FAM135B: variants seen among roughly 807,000 people sequenced by gnomAD.
The protein encoded by FAM135B is family with sequence similarity 135 member B.
FAM135B carries 43 observed loss-of-function variants against 127.7 expected under a neutral mutation model. The ratio of observed to expected loss-of-function variants is 0.34; its 90% CI spans 0.26 to 0.43. FAM135B has a LOEUF of 0.43. FAM135B is among the 20% of genes least tolerant of loss of function. The pLI, the probability that FAM135B is intolerant of heterozygous loss-of-function variation, is 1.00. For synonymous variants in FAM135B, 670 were observed against 665.1 expected (o/e 1.01, Z -0.11); for missense variants, 1,558 against 1,725.6 (o/e 0.90, Z 1.72).
At chr8:138,453,056 A>G (rs560362068) in intron 1 of FAM135B, among the ~76,000 whole-genome samples, 95 of 152,266 alleles carry the variant, frequency 6.2e-4, no homozygotes, top group Middle Eastern at 3.4e-3. Context: ...ATAGAATACA[A>G]TATCAGGAAG....
At chr8:138,135,775 C>G (rs981936130) in intron 19 of FAM135B, among the ~76,000 whole-genome samples, 2 of 152,080 alleles carry the variant, frequency 1.3e-5, no homozygotes, top group African/African-American at 4.8e-5. Flanking sequence ...GAAGCAAGCT[C>G]TATGTGCAGT....
intron 1 of FAM135B, among the ~76,000 whole-genome samples, chr8:138,446,594 C>T (rs913511975): frequency 1.3e-5 from 2 of 152,154 alleles, no homozygotes; most frequent in African/African-American, 4.8e-5. Context: ...GGAAAACTGG[C>T]TAGCCATATG....
At chr8:138,167,079 T>C (rs899923953) in intron 12 of FAM135B, among the ~76,000 whole-genome samples, 1 of 151,944 alleles carries the variant, frequency 6.6e-6, no homozygotes, top group African/African-American at 2.4e-5. Flanking sequence ...TGCACAGCTG[T>C]AGACCATGGG....
chr8:138,479,936 C>T (rs915663879), intron 1 of FAM135B, among the ~76,000 whole-genome samples: 1 of 152,140 alleles, frequency 6.6e-6, no homozygotes, highest in African/African-American at 2.4e-5. Context: ...ATGTTTATCC[C>T]CCAAGGCTTA....
intron 2 of FAM135B, among the ~76,000 whole-genome samples, chr8:138,344,132 G>A (rs538672987): frequency 6.6e-6 from 1 of 152,322 alleles, no homozygotes. Flanking sequence ...TGAAGATGCT[G>A]AGAAGAGCTG....
intron 3 of FAM135B, among the ~76,000 whole-genome samples, chr8:138,275,808 G>A (rs189902053): frequency 1.2e-3 from 186 of 152,240 alleles, no homozygotes; most frequent in African/African-American, 4.3e-3. Context: ...TAAATGATGA[G>A]TGTGGGAGCT....
At chr8:138,333,268 G>GC (rs955232098) in intron 2 of FAM135B, among the ~76,000 whole-genome samples, 23 of 152,222 alleles carry the variant, frequency 1.5e-4, no homozygotes, top group African/African-American at 5.3e-4. Context: ...CAACACAGTG[G>GC]CATCTGCCTT....
intron 1 of FAM135B, among the ~76,000 whole-genome samples, chr8:138,390,929 T>C (rs1422495683): frequency 1.3e-5 from 2 of 152,100 alleles, no homozygotes; most frequent in African/African-American, 4.8e-5. Context: ...AAGCAACTGT[T>C]TACCGTACCA....
At chr8:138,247,258 G>A (rs1332782996) in intron 6 of FAM135B, among the ~76,000 whole-genome samples, 3 of 152,158 alleles carry the variant, frequency 2.0e-5, no homozygotes, top group Admixed American at 6.5e-5. Flanking sequence ...GAAGGATTAG[G>A]GTGGAATGAT....
chr8:138,258,579 C>G (rs1410630052), intron 4 of FAM135B, among the ~76,000 whole-genome samples: 3 of 152,080 alleles, frequency 2.0e-5, no homozygotes, highest in African/African-American at 7.2e-5. Flanking sequence ...AATGAAAATT[C>G]AAAGTAAACT....
At chr8:138,208,920 C>A (rs1214142373) in intron 7 of FAM135B, among the ~76,000 whole-genome samples, 1 of 152,130 alleles carries the variant, frequency 6.6e-6, no homozygotes, top group African/African-American at 2.4e-5. Flanking sequence ...GATATATTGA[C>A]TATGAATAAT....
intron 5 of FAM135B, among the ~76,000 whole-genome samples, chr8:138,253,281 G>T (rs895504758): frequency 4.6e-5 from 7 of 152,170 alleles, no homozygotes; most frequent in African/African-American, 1.7e-4. Flanking sequence ...GAAGGAGTGA[G>T]CTCCCCATCC....
chr8:138,272,217 C>T (rs187391904), intron 3 of FAM135B, among the ~76,000 whole-genome samples: 274 of 152,216 alleles, frequency 1.8e-3, no homozygotes, highest in African/African-American at 6.3e-3. Context: ...TAAAAAAAAT[C>T]TGAGAATGAC....
chr8:138,384,472 G>A (rs1369131762), intron 1 of FAM135B, among the ~76,000 whole-genome samples: 3 of 152,106 alleles, frequency 2.0e-5, no homozygotes, highest in African/African-American at 7.2e-5. Flanking sequence ...AGAGGAAGAG[G>A]TGCAATGACC....
intron 3 of FAM135B, among the ~76,000 whole-genome samples, chr8:138,302,747 A>C (rs1456839620): frequency 6.6e-6 from 1 of 152,196 alleles, no homozygotes; most frequent in Non-Finnish European, 1.5e-5. Flanking sequence ...TGTAATTGCC[A>C]CACAATCTCT....
intron 1 of FAM135B, among the ~76,000 whole-genome samples, chr8:138,445,731 T>C (rs186675504): frequency 5.3e-5 from 8 of 152,310 alleles, no homozygotes; most frequent in Admixed American, 2.0e-4. Context: ...GCATTCCCTT[T>C]GAAAACTGGC....
At chr8:138,379,221 G>T (rs1318800753) in intron 1 of FAM135B, among the ~76,000 whole-genome samples, 2 of 152,078 alleles carry the variant, frequency 1.3e-5, no homozygotes, top group Non-Finnish European at 2.9e-5. Context: ...GAAAGAGCAG[G>T]GGCTTCAGGG....
rs12543984 is a variant in FAM135B, at chr8:138,176,641, A to T, written c.1103+706T>A. ...GAAAGGTGAAAAAGTCTCCACGTCCATCTTGAGTGATGGATGGGTCTCATG... is the reference window on the plus strand; with the variant it reads ...GAAAGGTGAAAAAGTCTCCACGTCCTTCTTGAGTGATGGATGGGTCTCATG... On this transcript the variant is annotated intron_variant, in intron 11 of 19. Transcript: ENST00000395297. Among the ~76,000 whole-genome samples, 220 of 152,146 alleles carry T rather than the reference A, an allele frequency of 1.4e-3. 1 individual carries two copies. Among genetic ancestry groups the T allele is most frequent in the Non-Finnish European group, 2.6e-3 (178 of 68,006 alleles).
At chr8:138,213,507 CTTTT>C (rs142780602) in intron 7 of FAM135B, among the ~76,000 whole-genome samples, 2 of 139,604 alleles carry the variant, frequency 1.4e-5, no homozygotes, top group Non-Finnish European at 1.5e-5. Context: ...TATGTAATTT[CTTTT>C]TTTTTTTTTT....
Sources: gnomAD v4.1 joint callset for allele counts (sites outside exome capture counted in the v4.1 genomes callset) on GRCh38, gnomAD v4.1.1 for gene constraint, MANE v1.5 for transcripts, NCBI Gene and HGNC (gene_info 2026-07-23, HGNC 2026-07-21) for gene names.